Variants in TTC6 observed in about 807,000 individuals in gnomAD.
TTC6 encodes the protein tetratricopeptide repeat protein 6.
A neutral mutation model predicts 210.4 loss-of-function variants in TTC6; 172 were observed. The observed-to-expected ratio is 0.82, with a 90% CI of 0.72 to 0.93. The LOEUF (loss-of-function observed/expected upper bound fraction) is 0.93, where lower values mean the gene tolerates loss of function less well. TTC6 is among the 40% of genes least tolerant of loss of function. TTC6 has a pLI of 0.00. For missense variants in TTC6, 2,414 were observed against 2,318.1 expected, an observed-to-expected ratio of 1.04 and a Z score of -0.85; for synonymous variants, 804 against 819.6, an observed-to-expected ratio of 0.98 and a Z score of 0.32.
chr14:37,655,789 C>A (rs1052600133), intron 1 of TTC6, among the ~76,000 whole-genome samples: 5 of 151,822 alleles, frequency 3.3e-5, no homozygotes, highest in Admixed American at 3.3e-4. Flanking sequence ...TAATAGGGGT[C>A]TTTGTTACAA....
intron 1 of TTC6, among the ~76,000 whole-genome samples, chr14:37,645,831 C>T (rs2095700611): frequency 6.6e-6 from 1 of 152,080 alleles, no homozygotes; most frequent in Non-Finnish European, 1.5e-5. Flanking sequence ...ACTATCAGAC[C>T]CAGCACACTT....
chr14:37,615,601 T>C (rs1377859736), intron 2 of TTC6, among the ~76,000 whole-genome samples: 3 of 152,102 alleles, frequency 2.0e-5, no homozygotes, highest in East Asian at 1.9e-4. Context: ...ATAAAATTTC[T>C]ATTTTTATTT....
rs762341577 is a variant in TTC6 at position 37,817,701 on chromosome 14, T to C, written c.4763+50T>C. On this transcript the variant is annotated intron_variant, in intron 26 of 30. Transcript: ENST00000553443. Reference sequence around the variant, plus strand: ...GTGGAATCAAGCAGGACCATCAGACTTATCTAATTATCACCCCATAAACAA... The same window carrying C: ...GTGGAATCAAGCAGGACCATCAGACCTATCTAATTATCACCCCATAAACAA... 4.6e-6 allele frequency: 7 copies of C among 1,523,022 alleles called. No individual in the cohort carries two copies. The South Asian group carries it at 6.8e-5, about 15-fold the overall frequency. 94.3% of individuals were successfully genotyped at this position (1,523,022 alleles called of 1,614,324 possible). A position where few individuals can be genotyped will look rare whatever the true frequency, so the allele number is the denominator to read the frequency against.
intron 14 of TTC6, among the ~76,000 whole-genome samples, chr14:37,786,189 G>A (rs2139297990): frequency 6.6e-6 from 1 of 152,298 alleles, no homozygotes; most frequent in South Asian, 2.1e-4. Context: ...AGAAGTTTCT[G>A]CTGCCTTTTG....
intron 1 of TTC6, among the ~76,000 whole-genome samples, chr14:37,676,615 TTA>T (rs1184757777): frequency 6.6e-6 from 1 of 152,108 alleles, no homozygotes; most frequent in Non-Finnish European, 1.5e-5. Context: ...GCTTTTGTTG[TTA>T]TATCTAAGAA....
At chr14:37,798,299 T>G in intron 20 of TTC6, among the ~76,000 whole-genome samples, 1 of 152,088 alleles carries the variant, frequency 6.6e-6, no homozygotes, top group East Asian at 1.9e-4. Flanking sequence ...TTTATTTCAC[T>G]TTTTCTTTTG....
intron 25 of TTC6, among the ~76,000 whole-genome samples, chr14:37,817,285 G>A (rs1702140240): frequency 6.6e-6 from 1 of 152,146 alleles, no homozygotes; most frequent in East Asian, 1.9e-4. Context: ...ACCCATTGCA[G>A]GTCAAAACCA....
At chr14:37,820,709 A>G (rs1393551828) in intron 26 of TTC6, among the ~76,000 whole-genome samples, 4 of 152,214 alleles carry the variant, frequency 2.6e-5, no homozygotes, top group African/African-American at 9.6e-5. Context: ...GGTATGCATC[A>G]TAAGTAAATG....
intron 7 of TTC6, among the ~76,000 whole-genome samples, chr14:37,728,195 T>G (rs1373978462): frequency 2.0e-5 from 3 of 152,210 alleles, no homozygotes; most frequent in Admixed American, 6.5e-5. Context: ...ACTGTAATAT[T>G]GTTACATTTT....
At chr14:37,642,363 G>A (rs192464201) in intron 1 of TTC6, among the ~76,000 whole-genome samples, 26 of 152,312 alleles carry the variant, frequency 1.7e-4, no homozygotes, top group African/African-American at 5.5e-4. Context: ...GGGACAATCC[G>A]CAGGTGGTGG....
intron 14 of TTC6, among the ~76,000 whole-genome samples, chr14:37,764,706 T>C (rs1051933494): frequency 3.9e-5 from 6 of 152,158 alleles, no homozygotes; most frequent in Admixed American, 6.6e-5. Context: ...AGCTATATTA[T>C]AGTTTGTAAA....
chr14:37,623,209 T>G (rs464306), intron 1 of TTC6, among the ~76,000 whole-genome samples: 31,144 of 152,046 alleles, frequency 0.2, 3,428 homozygotes, highest in South Asian at 0.26. Flanking sequence ...TATCCTCTTT[T>G]CAAAGTGAAG....
chr14:37,604,742 A>G (rs943645609), intron 1 of TTC6, among the ~76,000 whole-genome samples: 8 of 152,080 alleles, frequency 5.3e-5, no homozygotes, highest in Admixed American at 2.0e-4. Context: ...CATCCTCAGC[A>G]CCTGAACTTG....
exon 4 of TTC6, chr14:37,696,791 A>G (rs940243351): frequency 7.0e-5 from 101 of 1,439,424 alleles, no homozygotes; most frequent in Admixed American, 1.6e-4. Flanking sequence ...CACTGAGACC[A>G]AGAAAGTCTT....
At chr14:37,792,165 A>G in intron 16 of TTC6, 99 bp from the exon 19 acceptor site, 1 of 937,810 alleles carries the variant, frequency 1.1e-6, no homozygotes, top group Non-Finnish European at 1.5e-6. Context: ...ACTCTGATGA[A>G]TACTGATGCA....
Position 37,696,743 on chromosome 14 carries a change from C to A in TTC6, c.1284C>A (p.Ile428=), listed in dbSNP as rs537171931. 208 of 1,462,056 alleles carry A rather than the reference C, an allele frequency of 1.4e-4. No homozygotes were observed. The African/African-American group carries it at 2.5e-3, about 18-fold the overall frequency. The allele number at this position is 1,462,056 out of a possible 1,614,324, so 90.6% of individuals were successfully genotyped here. A position where few individuals can be genotyped will look rare whatever the true frequency, so the allele number is the denominator to read the frequency against. Residue 428 remains isoleucine (I), a synonymous_variant, in exon 4 of 31, where the codon ATC becomes ATA. Coordinates refer to ENST00000553443, the Ensembl canonical transcript of TTC6. ...CAAAATCACCAGAATTCTTGCAAAT[C>A]GAAGGAAAAGAAATTAAGCGAATGC...
chr14:37,735,547 T>A (rs1270936749), intron 7 of TTC6, among the ~76,000 whole-genome samples: 2 of 152,220 alleles, frequency 1.3e-5, no homozygotes, highest in Non-Finnish European at 2.9e-5. Flanking sequence ...AAAATGAATA[T>A]TCATGTGTTG....
intron 14 of TTC6, among the ~76,000 whole-genome samples, chr14:37,782,953 C>T (rs2096058845): frequency 6.6e-6 from 1 of 152,166 alleles, no homozygotes; most frequent in African/African-American, 2.4e-5. Context: ...TATGTTGAAT[C>T]AGCCTTGCAT....
At chr14:37,789,390 T>A (rs1228468377) in intron 15 of TTC6, among the ~76,000 whole-genome samples, 1 of 151,904 alleles carries the variant, frequency 6.6e-6, no homozygotes, top group Non-Finnish European at 1.5e-5. Context: ...GCTGATTTTT[T>A]AATTGCTAGC....
Sources: gnomAD v4.1 joint callset for allele counts (sites outside exome capture counted in the v4.1 genomes callset) on GRCh38, gnomAD v4.1.1 for gene constraint, MANE v1.5 for transcripts, NCBI Gene and HGNC (gene_info 2026-07-23, HGNC 2026-07-21) for gene names.